ZC3H12C: variants seen among roughly 807,000 people sequenced by gnomAD.
ZC3H12C encodes the protein zinc finger CCCH-type containing 12C, also known as probable ribonuclease ZC3H12C.
ZC3H12C carries 20 observed loss-of-function variants against 76.3 expected under a neutral mutation model. The ratio of observed to expected loss-of-function variants is 0.26; its 90% CI spans 0.18 to 0.38. The LOEUF (loss-of-function observed/expected upper bound fraction) is 0.38, where lower values mean the gene tolerates loss of function less well. Among genes scored for constraint, ZC3H12C ranks in the 10% least tolerant of loss-of-function variants. The probability of loss-of-function intolerance (pLI) is 1.00; values close to 1 mark genes in which losing one functional copy is unlikely to be tolerated. For missense variants in ZC3H12C, 874 were observed against 1,086.5 expected (o/e 0.80, Z 2.75); for synonymous variants, 352 against 399.6 (o/e 0.88, Z 1.42).
chr11:110,095,515 G>T (rs1198426202), intron 1 of ZC3H12C, among the ~76,000 whole-genome samples: 4 of 152,190 alleles, frequency 2.6e-5, no homozygotes, highest in African/African-American at 9.6e-5. Context: ...CTGTTGGAAC[G>T]TAGAATAACA....
At chr11:110,098,866 T>C (rs1258391490) in intron 1 of ZC3H12C, among the ~76,000 whole-genome samples, 1 of 152,244 alleles carries the variant, frequency 6.6e-6, no homozygotes, top group Non-Finnish European at 1.5e-5. Flanking sequence ...AACATAACTT[T>C]GTCAAGTGAC....
chr11:110,102,478 C>G (rs1861234956), intron 1 of ZC3H12C, among the ~76,000 whole-genome samples: 1 of 151,994 alleles, frequency 6.6e-6, no homozygotes, highest in African/African-American at 2.4e-5. Context: ...CATGATAAAA[C>G]TTGAACAGAT....
chr11:110,109,471 G>T (rs1442040299), intron 1 of ZC3H12C, among the ~76,000 whole-genome samples: 1 of 152,104 alleles, frequency 6.6e-6, no homozygotes, highest in African/African-American at 2.4e-5. Context: ...TATTTGTGGA[G>T]TTCCCTGACC....
intron 1 of ZC3H12C, among the ~76,000 whole-genome samples, chr11:110,101,770 G>C (rs949934993): frequency 2.6e-5 from 4 of 151,818 alleles, no homozygotes; most frequent in Non-Finnish European, 4.4e-5. Flanking sequence ...GGCTAGCCTT[G>C]AACTCCTGAC....
At chr11:110,127,265 T>G (rs769081633) in intron 1 of ZC3H12C, among the ~76,000 whole-genome samples, 3 of 152,204 alleles carry the variant, frequency 2.0e-5, no homozygotes, top group Non-Finnish European at 4.4e-5. Context: ...ATACAGGCAA[T>G]ATTCTTAGCA....
At chr11:110,093,561 C>A in intron 1 of ZC3H12C, 129 bp downstream of exon 1, 1 of 625,446 alleles carries the variant, frequency 1.6e-6, no homozygotes, top group Non-Finnish European at 2.2e-6. Context: ...GCAGCGACCT[C>A]GCCGTGTGAT....
At chr11:110,118,945 C>G (rs6650175) in intron 1 of ZC3H12C, among the ~76,000 whole-genome samples, 1 of 152,280 alleles carries the variant, frequency 6.6e-6, no homozygotes, top group Admixed American at 6.5e-5. Flanking sequence ...GCTTTTTAAG[C>G]ACCTATTACT....
In ZC3H12C at chr11:110,165,179, T is replaced by C. The variant is rs1862556069; in HGVS notation, c.2094T>C (p.His698=). ...ACAGTCACGAAGAACCAAAGTTCCA[T>C]CACAAGCCTCCTCTTCCGCACCTGG... is the stretch of plus-strand genomic sequence containing the variant. ...QSYSHEEPKF[H]HKPPLPHLAL... Residue 698 remains histidine, a synonymous_variant, in exon 6 of 6, where the codon CAT becomes CAC. Coordinates refer to ENST00000278590, the MANE Select transcript of ZC3H12C (RefSeq NM_033390.2). The C allele has an allele frequency of 1.2e-6, 2 of 1,613,722 alleles. No homozygotes were observed. The highest frequency in any genetic ancestry group is 1.7e-6 in the Non-Finnish European group (2 of 1,179,890).
At chr11:110,093,456 G>C (rs770393411) in intron 1 of ZC3H12C, 24 bp downstream of exon 1, 1 of 1,205,048 alleles carries the variant, frequency 8.3e-7, no homozygotes, top group African/African-American at 1.6e-5. Flanking sequence ...AAGGGGGTGG[G>C]GGACGCGGAC....
In ZC3H12C at chr11:110,106,040, G is replaced by A. The variant is rs1333764786; in HGVS notation, c.21+12608G>A. 2.8e-4 allele frequency among the ~76,000 whole-genome samples: 4 copies of A among 14,208 alleles called. 2 individuals are homozygous for A. The allele number at this position is 14,208 out of a possible 152,430, so 9.3% of individuals were successfully genotyped here. A position where few individuals can be genotyped will look rare whatever the true frequency, so the allele number is the denominator to read the frequency against. ...TCCCAGCACTTTGGGAGGCCGAGGCGGGCGGATCACGAGGTCAGGAGATCG... is the reference window on the plus strand; with the variant it reads ...TCCCAGCACTTTGGGAGGCCGAGGCAGGCGGATCACGAGGTCAGGAGATCG... On this transcript the variant is annotated intron_variant, in intron 1 of 5. Coordinates refer to ENST00000278590, the MANE Select transcript of ZC3H12C (RefSeq NM_033390.2).
intron 2 of ZC3H12C, among the ~76,000 whole-genome samples, chr11:110,147,197 A>G (rs1862187072): frequency 6.6e-6 from 1 of 152,192 alleles, no homozygotes; most frequent in African/African-American, 2.4e-5. Flanking sequence ...CACCTCGGCA[A>G]ATGTTTCCAG....
At chr11:110,141,045 A>C (rs971813158) in intron 2 of ZC3H12C, among the ~76,000 whole-genome samples, 2 of 152,224 alleles carry the variant, frequency 1.3e-5, no homozygotes, top group African/African-American at 4.8e-5. Flanking sequence ...TACCAATCAA[A>C]TGACACAGAA....
intron 1 of ZC3H12C, among the ~76,000 whole-genome samples, chr11:110,118,022 CATATATATTAT>C (rs1861584695): frequency 8.0e-6 from 1 of 124,630 alleles, no homozygotes; most frequent in African/African-American, 3.0e-5. Flanking sequence ...TACACACACA[CATATATATTAT>C]ATATATATAC....
rs1172626048 is a variant in ZC3H12C, at chr11:110,164,534, AC to A, written c.1450del (p.Arg484GlufsTer12). On this transcript the variant is annotated frameshift_variant, in exon 6 of 6. Coordinates refer to ENST00000278590, the MANE Select transcript of ZC3H12C (RefSeq NM_033390.2). LOFTEE classifies it high-confidence loss of function. This position sits in a 1 kb window ranked among gnomAD's most constrained non-coding sequence, Gnocchi z 5.7. ...AGGCTGATAGCACTTCTGATGTCAA[AC>A]GAGGTGCTCCAAAGAGGCAATCAGA... ...TKADSTSDVK[R>X]GAPKRQSDPS... 1 of 1,614,004 alleles carries A rather than the reference AC, an allele frequency of 6.2e-7. No individual in the cohort carries two copies. The highest frequency in any genetic ancestry group is 1.1e-5 in the South Asian group (1 of 91,084).
intron 1 of ZC3H12C, among the ~76,000 whole-genome samples, chr11:110,133,045 T>C (rs912153474): frequency 6.6e-6 from 1 of 152,168 alleles, no homozygotes; most frequent in African/African-American, 2.4e-5. Context: ...TATTTCATTA[T>C]ATTAACAAAT....
intron 1 of ZC3H12C, among the ~76,000 whole-genome samples, chr11:110,098,064 G>C (rs1861145784): frequency 6.6e-6 from 1 of 152,136 alleles, no homozygotes; most frequent in Non-Finnish European, 1.5e-5. Flanking sequence ...AGGTCTATCA[G>C]GAGGTATTTC....
rs537754396 is a variant in ZC3H12C, at chr11:110,128,865, A to G, written c.22-7798A>G. Among the ~76,000 whole-genome samples, 9 of 148,742 alleles carry G rather than the reference A, an allele frequency of 6.1e-5. No individual in the cohort carries two copies. The East Asian group carries it at 1.8e-3, about 29-fold the overall frequency. On this transcript the variant is annotated intron_variant, in intron 1 of 5. Transcript: ENST00000278590. ...ATATCTTTTTTATTCATGAGATTTC[A>G]AAAAGAACTATCACCACCACTAACA...
At chr11:110,149,829 C>T (rs540888609) in intron 2 of ZC3H12C, among the ~76,000 whole-genome samples, 5 of 152,178 alleles carry the variant, frequency 3.3e-5, no homozygotes, top group African/African-American at 9.6e-5. Flanking sequence ...AAGCTATGAC[C>T]TGTTTTTTTA....
At chr11:110,114,060 G>A (rs1370497572) in intron 1 of ZC3H12C, among the ~76,000 whole-genome samples, 3 of 152,082 alleles carry the variant, frequency 2.0e-5, no homozygotes, top group South Asian at 4.1e-4. Context: ...GTGAAACTCC[G>A]TATAGCATTA....
Sources: allele counts gnomAD v4.1 joint callset (sites outside exome capture counted in the v4.1 genomes callset), GRCh38; gene constraint gnomAD v4.1.1; non-coding constraint Gnocchi (gnomAD v3.1); transcripts MANE v1.5; gene names NCBI Gene and HGNC (gene_info 2026-07-23, HGNC 2026-07-21).